Variants in NEK10 observed in about 807,000 individuals in gnomAD.
The protein encoded by NEK10 is serine/threonine-protein kinase Nek10.
A neutral mutation model predicts 159.8 loss-of-function variants in NEK10; 122 were observed. The observed-to-expected ratio is 0.76, with a 90% CI of 0.66 to 0.89. The LOEUF is 0.89. Among genes scored for constraint, NEK10 ranks in the 40% least tolerant of loss-of-function variants. NEK10 has a pLI of 0.00. For missense variants in NEK10, 1,342 were observed against 1,323.1 expected, an observed-to-expected ratio of 1.01 and a Z score of -0.22; for synonymous variants, 466 against 457.1, an observed-to-expected ratio of 1.02 and a Z score of -0.25.
At chr3:27,255,230 G>C (rs1298533642) in intron 23 of NEK10, 1 of 380,556 alleles carries the variant, frequency 2.6e-6, no homozygotes, top group Non-Finnish European at 5.3e-6. Flanking sequence ...AGGATAAGTA[G>C]ACATCATATA....
In NEK10 at chr3:27,369,154, G is replaced by A. The variant is rs2049326278; in HGVS notation, c.-38+71C>T. 6.6e-6 allele frequency: 1 copy of A among 152,250 alleles called. No homozygotes were observed. The highest frequency in any genetic ancestry group is 1.5e-5 in the Non-Finnish European group (1 of 68,090). 9.4% of individuals were successfully genotyped at this position (152,250 alleles called of 1,614,324 possible). On this transcript the variant is annotated intron_variant, in intron 1 of 35. Coordinates refer to ENST00000691995, the MANE Select transcript of NEK10 (RefSeq NM_001394966.1). This position sits in a 1 kb window ranked among gnomAD's most constrained non-coding sequence, Gnocchi z 4.2. ...TCGGGGCCGCTCCACAGGGACCTGA[G>A]GACGTCTCCCCGGAGACCCTGACTC... is the stretch of plus-strand genomic sequence containing the variant.
rs369574639 is a variant in NEK10, at chr3:27,284,823, T to C, written c.1911+17A>G. On this transcript the variant is annotated intron_variant, in intron 21 of 35. Coordinates refer to ENST00000691995, the MANE Select transcript of NEK10 (RefSeq NM_001394966.1). ...CATTACTGTTTTAAGAAAAATTTAA[T>C]GAAGATAAAAGCATACCTGTATAAA... 2.7e-5 allele frequency: 42 copies of C among 1,570,850 alleles called. No individual in the cohort carries two copies. Among genetic ancestry groups the C allele is most frequent in the South Asian group, 3.4e-5 (3 of 88,770 alleles).
chr3:27,140,719 G>A (rs760814255), intron 31 of NEK10, among the ~76,000 whole-genome samples: 1 of 152,142 alleles, frequency 6.6e-6, no homozygotes, highest in Non-Finnish European at 1.5e-5. Flanking sequence ...TCTAGAGCAA[G>A]GCAATGTTTA....
intron 22 of NEK10, among the ~76,000 whole-genome samples, chr3:27,263,794 G>C (rs2040636061): frequency 6.6e-6 from 1 of 152,082 alleles, no homozygotes. Context: ...CCCTGCTTTG[G>C]CTCATGCTCG....
At chr3:27,243,056 T>A (rs1373770) in intron 23 of NEK10, among the ~76,000 whole-genome samples, 39,102 of 152,018 alleles carry the variant, frequency 0.26, 5,194 homozygotes, top group Middle Eastern at 0.38. Context: ...AGGATTTTTT[T>A]AAAATCCTTC....
chr3:27,191,744 G>A (rs1286471503), intron 26 of NEK10, among the ~76,000 whole-genome samples: 3 of 152,264 alleles, frequency 2.0e-5, no homozygotes, highest in Non-Finnish European at 4.4e-5. Flanking sequence ...AGCATTCACT[G>A]CTAATTTTAC....
intron 3 of NEK10, among the ~76,000 whole-genome samples, chr3:27,347,616 T>C (rs1255860827): frequency 8.6e-5 from 13 of 152,032 alleles, no homozygotes; most frequent in African/African-American, 1.9e-4. Flanking sequence ...AGACATTGTT[T>C]AATAGTTAAC....
At chr3:27,226,879 A>G (rs1952699430) in intron 23 of NEK10, among the ~76,000 whole-genome samples, 1 of 152,188 alleles carries the variant, frequency 6.6e-6, no homozygotes, top group Non-Finnish European at 1.5e-5. Context: ...ATTACAGGTT[A>G]TTTCCCCTCC....
Position 27,310,956 on chromosome 3 carries a change from G to A in NEK10, c.629C>T (p.Ala210Val), listed in dbSNP as rs1278114900. The A allele has an allele frequency of 6.2e-7, 1 of 1,602,922 alleles. No homozygotes were observed. The highest frequency in any genetic ancestry group is 1.7e-4 in the Middle Eastern group (1 of 6,042). The part of the protein sequence containing the change: ...DQREWVTTSG[A>V]HKTLVNLLGA... ...CTTTCAGGGGCCACTCACCTTGTGG[G>A]CTCCACTTGTGGTGACCCATTCTCT... is the stretch of plus-strand genomic sequence containing the variant. The change falls in exon 9 of 36, where the codon GCC (alanine) becomes GTC (valine). Residue 210 changes from alanine (A) to valine (V), a missense_variant. Physicochemically the swap from Ala to Val is moderately conservative, Grantham distance 64. Coordinates refer to ENST00000691995, the MANE Select transcript of NEK10 (RefSeq NM_001394966.1).
chr3:27,185,367 A>AT (rs896382617), intron 26 of NEK10, among the ~76,000 whole-genome samples: 1 of 148,348 alleles, frequency 6.7e-6, no homozygotes, highest in African/African-American at 2.4e-5. Context: ...AAGATCAGAT[A>AT]TTTTTTTTGG....
intron 23 of NEK10, among the ~76,000 whole-genome samples, chr3:27,204,091 G>C (rs1325593865): frequency 6.6e-6 from 1 of 151,846 alleles, no homozygotes; most frequent in Non-Finnish European, 1.5e-5. Context: ...CTCATCTACT[G>C]AGATCTCAGA....
intron 9 of NEK10, 146 bp from the exon 10 acceptor site, chr3:27,309,151 T>A (rs1233932021): frequency 1.9e-6 from 1 of 514,664 alleles, no homozygotes; most frequent in Non-Finnish European, 3.6e-6. Context: ...ACTGTTTTTT[T>A]TTTTTGCTTA....
chr3:27,198,476 G>A (rs976035555), intron 25 of NEK10, among the ~76,000 whole-genome samples: 1 of 151,978 alleles, frequency 6.6e-6, no homozygotes, highest in African/African-American at 2.4e-5. Flanking sequence ...CAGAAATAAG[G>A]CTGCACACGT....
At chr3:27,211,220 T>C (rs1398406849) in intron 23 of NEK10, among the ~76,000 whole-genome samples, 4 of 152,220 alleles carry the variant, frequency 2.6e-5, no homozygotes, top group Admixed American at 6.5e-5. Flanking sequence ...TTCCAATTTA[T>C]GTAGAATCTG....
At chr3:27,167,802 T>C (rs982654596) in intron 29 of NEK10, among the ~76,000 whole-genome samples, 3 of 152,262 alleles carry the variant, frequency 2.0e-5, no homozygotes, top group Non-Finnish European at 4.4e-5. Flanking sequence ...TATCAACTGA[T>C]GATGGCTTGG....
At chr3:27,180,949 G>A (rs1271006686) in intron 26 of NEK10, among the ~76,000 whole-genome samples, 13 of 152,054 alleles carry the variant, frequency 8.5e-5, no homozygotes, top group Admixed American at 7.9e-4. Flanking sequence ...TATGGCACCT[G>A]CATGTCCAAC....
At chr3:27,363,247 C>T (rs1156402099) in intron 1 of NEK10, among the ~76,000 whole-genome samples, 2 of 152,222 alleles carry the variant, frequency 1.3e-5, no homozygotes, top group African/African-American at 4.8e-5. Flanking sequence ...GACAGGGTCA[C>T]AACCCTGCCA....
intron 23 of NEK10, among the ~76,000 whole-genome samples, chr3:27,237,837 G>A (rs1954110365): frequency 6.6e-6 from 1 of 152,098 alleles, no homozygotes; most frequent in Non-Finnish European, 1.5e-5. Context: ...AGAAAATGGT[G>A]GGCATCAAAT....
chr3:27,179,708 A>C (rs984158784), intron 26 of NEK10, among the ~76,000 whole-genome samples: 1 of 152,244 alleles, frequency 6.6e-6, no homozygotes, highest in African/African-American at 2.4e-5. Context: ...ACATGCCAAT[A>C]GAACTAAATG....
Sources: gnomAD v4.1 joint callset for allele counts (sites outside exome capture counted in the v4.1 genomes callset) on GRCh38, gnomAD v4.1.1 for gene constraint, Gnocchi (gnomAD v3.1) non-coding constraint, MANE v1.5 for transcripts, NCBI Gene and HGNC (gene_info 2026-07-23, HGNC 2026-07-21) for gene names.